Variants in ALDH1L1 observed in about 807,000 individuals in gnomAD.
ALDH1L1 encodes cytosolic 10-formyltetrahydrofolate dehydrogenase.
A neutral mutation model predicts 101.1 loss-of-function variants in ALDH1L1; 68 were observed. That is an observed-to-expected ratio of 0.67 (90% CI 0.55 to 0.82). ALDH1L1 has a LOEUF of 0.82. Ranked by LOEUF, ALDH1L1 falls within the 40% of genes least tolerant of loss-of-function variation. The pLI is 0.00. For synonymous variants in ALDH1L1, 486 were observed against 470.8 expected (o/e 1.03, Z -0.42); for missense variants, 1,087 against 1,172.7 (o/e 0.93, Z 1.07).
intron 1 of ALDH1L1, 143 bp downstream of exon 1, chr3:126,180,333 G>T: frequency 3.6e-6 from 2 of 551,154 alleles, no homozygotes; most frequent in Non-Finnish European, 4.6e-6. Flanking sequence ...CGTCCCAGCG[G>T]CGAAGTTGAT....
At chr3:126,181,173 C>T (rs562776960), upstream of ALDH1L1, 62 of 659,754 alleles carry the variant, frequency 9.4e-5, no homozygotes, top group East Asian at 1.5e-3. Flanking sequence ...TCTACTCAGT[C>T]CTGGTGCCGC....
At chr3:126,185,842 G>A (rs1301229583), upstream of ALDH1L1, among the ~76,000 whole-genome samples, 1 of 152,098 alleles carries the variant, frequency 6.6e-6, no homozygotes, top group Admixed American at 6.5e-5. Flanking sequence ...TCAATATTCT[G>A]GAGTATTATT....
intron 9 of ALDH1L1, among the ~76,000 whole-genome samples, chr3:126,146,028 A>G (rs2108269848): frequency 6.6e-6 from 1 of 152,136 alleles, no homozygotes; most frequent in East Asian, 1.9e-4. Flanking sequence ...ACTGCCTCAC[A>G]GTGAGTTACT....
rs1056721304 is a variant in ALDH1L1 at position 126,136,893 on chromosome 3, A to C, written c.1225-10T>G. ...TCACTGCCATTTCCACCTGAAAGAA[A>C]GGCCCCAGTGACAAGCACAAACCCA... On this transcript the variant is annotated splice_polypyrimidine_tract_variant and intron_variant, in intron 10 of 22. Transcript: ENST00000393434. 6 of 1,613,484 alleles carry C rather than the reference A, an allele frequency of 3.7e-6. No homozygotes were observed. The highest frequency in any genetic ancestry group is 5.1e-6 in the Non-Finnish European group (6 of 1,179,838).
At chr3:126,121,502 T>TA (rs2080078484) in intron 16 of ALDH1L1, among the ~76,000 whole-genome samples, 1 of 152,216 alleles carries the variant, frequency 6.6e-6, no homozygotes, top group South Asian at 2.1e-4. Context: ...TTAAGAGTAA[T>TA]AAAAACATGA....
intron 22 of ALDH1L1, chr3:126,104,154 GTTA>G: frequency 4.3e-6 from 2 of 464,264 alleles, no homozygotes; most frequent in Non-Finnish European, 7.8e-6. Context: ...GAGACTTGGC[GTTA>G]CTGCCCAGAC....
At chr3:126,148,508 C>T (rs563983508) in intron 8 of ALDH1L1, among the ~76,000 whole-genome samples, 3 of 152,284 alleles carry the variant, frequency 2.0e-5, no homozygotes, top group African/African-American at 7.2e-5. Context: ...TCTATCACAT[C>T]GGTCTCCAGA....
intron 19 of ALDH1L1, chr3:126,110,320 A>T: frequency 1.6e-6 from 1 of 617,998 alleles, no homozygotes; most frequent in Non-Finnish European, 2.8e-6. Flanking sequence ...CTCCAAGGAG[A>T]CAGGAGCCCA....
intron 15 of ALDH1L1, among the ~76,000 whole-genome samples, chr3:126,124,999 C>T (rs2080152896): frequency 6.6e-6 from 1 of 152,192 alleles, no homozygotes; most frequent in Non-Finnish European, 1.5e-5. Context: ...CATGCACCAT[C>T]CTGGGAGGCA....
In ALDH1L1 at chr3:126,107,160, T is replaced by C. The variant is rs4646750; in HGVS notation, c.2434A>G (p.Ile812Val). ...CCCTACCCATCAGCAAACCGAGAGA[T>C]GATCATGACAGGCCCGAAGGACTCC... is the stretch of plus-strand genomic sequence containing the variant. ...KEESFGPVMI[I>V]SRFADGDLDA... Residue 812 changes from isoleucine to valine, a missense_variant, in exon 21 of 23, where the codon ATC (isoleucine) becomes GTC (valine). Coordinates refer to ENST00000393434, the MANE Select transcript of ALDH1L1 (RefSeq NM_012190.4). The C allele has an allele frequency of 0.069, 111,568 of 1,613,716 alleles. 4,282 individuals carry two copies. The highest frequency in any genetic ancestry group is 0.12 in the African/African-American group (8,856 of 75,002).
In ALDH1L1 at chr3:126,103,690, C is replaced by T. The variant is rs1316996234; in HGVS notation, c.*101G>A. Reference sequence around the variant, plus strand: ...TGGTGTGCAGGCAGGAGGGCTTCCACTAGCCCCCCAGGTGGGAGGTGCTGT... The same window carrying T: ...TGGTGTGCAGGCAGGAGGGCTTCCATTAGCCCCCCAGGTGGGAGGTGCTGT... On this transcript the variant is annotated 3_prime_UTR_variant, in exon 23 of 23. Transcript: ENST00000393434. The T allele has an allele frequency of 3.9e-6, 5 of 1,298,264 alleles. No individual in the cohort carries two copies. Among genetic ancestry groups the T allele is most frequent in the Middle Eastern group, 1.9e-4 (1 of 5,282 alleles). 80.4% of individuals were successfully genotyped at this position (1,298,264 alleles called of 1,614,324 possible). A position where few individuals can be genotyped will look rare whatever the true frequency, so the allele number is the denominator to read the frequency against.
chr3:126,142,194 T>C (rs1217847102), intron 9 of ALDH1L1, among the ~76,000 whole-genome samples: 1 of 148,314 alleles, frequency 6.7e-6, no homozygotes, highest in East Asian at 2.0e-4. Context: ...GGAAACTGAA[T>C]CAGTAATCAA....
chr3:126,129,121 C>T (rs1325341999), intron 14 of ALDH1L1: 5 of 152,560 alleles, frequency 3.3e-5, no homozygotes, highest in Admixed American at 6.5e-5. Context: ...GCCCGATGTC[C>T]TCTGTGGGGA....
At chr3:126,118,777 A>C (rs1576422135) in intron 16 of ALDH1L1, among the ~76,000 whole-genome samples, 1 of 151,466 alleles carries the variant, frequency 6.6e-6, no homozygotes, top group African/African-American at 2.4e-5. Context: ...ACTCCAAAAC[A>C]CCCGCCCTCA....
In ALDH1L1 at chr3:126,134,149, G is replaced by A. The variant is rs555390148; in HGVS notation, c.1472+1386C>T. 2.6e-5 allele frequency among the ~76,000 whole-genome samples: 4 copies of A among 152,216 alleles called. 1 individual carries two copies. The South Asian group carries it at 8.3e-4, about 32-fold the overall frequency. On this transcript the variant is annotated intron_variant, in intron 12 of 22. Transcript: ENST00000393434. ...TGGGAGCTCCTGAACTGCCCCCTCC[G>A]GGACACCTAGACCCAGCCTCTGCTG... is the stretch of plus-strand genomic sequence containing the variant.
chr3:126,160,111 A>G (rs2081010168), intron 2 of ALDH1L1, among the ~76,000 whole-genome samples: 1 of 152,146 alleles, frequency 6.6e-6, no homozygotes, highest in Non-Finnish European at 1.5e-5. Flanking sequence ...ACCCAGACCC[A>G]TGATTCTCAA....
chr3:126,176,286 C>T (rs1201913877), intron 1 of ALDH1L1, among the ~76,000 whole-genome samples: 2 of 152,148 alleles, frequency 1.3e-5, no homozygotes, highest in East Asian at 3.8e-4. Flanking sequence ...TCAATGCAAT[C>T]CCAATCAAAA....
chr3:126,128,363 T>A (rs1394632408), intron 14 of ALDH1L1: 1 of 152,276 alleles, frequency 6.6e-6, no homozygotes, highest in African/African-American at 2.4e-5. Context: ...CCTAGACACC[T>A]GATGCTCACC....
chr3:126,177,038 AT>A (rs1489479611), intron 1 of ALDH1L1, among the ~76,000 whole-genome samples: 2 of 152,262 alleles, frequency 1.3e-5, no homozygotes, highest in Admixed American at 1.3e-4. Flanking sequence ...GAAGAGTTAA[AT>A]TAAGAGCACT....
Sources: gnomAD v4.1 joint callset for allele counts (sites outside exome capture counted in the v4.1 genomes callset) on GRCh38, gnomAD v4.1.1 for gene constraint, MANE v1.5 for transcripts, NCBI Gene and HGNC (gene_info 2026-07-23, HGNC 2026-07-21) for gene names.